Variants in SHISA9 observed in about 807,000 individuals in gnomAD.
SHISA9 encodes protein shisa-9.
A neutral mutation model predicts 38.0 loss-of-function variants in SHISA9; 13 were observed. The observed-to-expected ratio is 0.34, with a 90% CI of 0.22 to 0.54. SHISA9 has a LOEUF of 0.54. SHISA9 is among the 20% of genes least tolerant of loss of function. The pLI is 0.91. For synonymous variants in SHISA9, 275 were observed against 242.0 expected, an observed-to-expected ratio of 1.14 and a Z score of -1.27; for missense variants, 538 against 575.8, an observed-to-expected ratio of 0.93 and a Z score of 0.67.
rs190528881 is a variant in SHISA9, at chr16:13,012,948, T to C, written c.691+96133T>C. 1.7e-3 allele frequency among the ~76,000 whole-genome samples: 261 copies of C among 152,288 alleles called. 2 individuals are homozygous for C. The highest frequency in any genetic ancestry group is 5.9e-3 in the African/African-American group (246 of 41,574). On this transcript the variant is annotated intron_variant, in intron 2 of 4. Transcript: ENST00000558583. Reference sequence around the variant, plus strand: ...ATGGTACCCAGGCAGGGGGACAATCTAATTAGGCTATTTTCGGCATCCCGG... The same window carrying C: ...ATGGTACCCAGGCAGGGGGACAATCCAATTAGGCTATTTTCGGCATCCCGG...
chr16:12,909,255 T>C, intron 1 of SHISA9: 2 of 984,402 alleles, frequency 2.0e-6, no homozygotes, highest in Non-Finnish European at 2.4e-6. Context: ...ATGCACACAT[T>C]GTAAGTGTGT....
the SHISA9 span, among the ~76,000 whole-genome samples, chr16:13,264,967 G>A: frequency 8.0e-6 from 1 of 125,472 alleles, no homozygotes; most frequent in South Asian, 2.5e-4. Context: ...CCCTTCCCCT[G>A]TTTTTCCCCT....
At chr16:13,213,200 C>T in intron 3 of SHISA9, 53 bp from the exon 4 acceptor site, 1 of 1,510,522 alleles carries the variant, frequency 6.6e-7, no homozygotes, top group Non-Finnish European at 9.0e-7. Context: ...GCATAGTGAA[C>T]ATGGGTGCCC....
intron 1 of SHISA9, among the ~76,000 whole-genome samples, chr16:12,905,069 C>T (rs980689030): frequency 1.2e-4 from 19 of 152,152 alleles, no homozygotes; most frequent in African/African-American, 4.3e-4. Context: ...CAGCCAATCG[C>T]TGTTAAGGAA....
intron 2 of SHISA9, among the ~76,000 whole-genome samples, chr16:13,177,751 C>G (rs983108851): frequency 6.6e-6 from 1 of 152,132 alleles, no homozygotes; most frequent in Admixed American, 6.5e-5. Context: ...CTCACTGCAA[C>G]CTCTGCCTCC....
At chr16:13,204,861 C>A (rs1262430078) in intron 3 of SHISA9, 2 of 152,192 alleles carry the variant, frequency 1.3e-5, no homozygotes, top group South Asian at 4.1e-4. Context: ...TTTTATCCCT[C>A]CAGAGCCACT....
At chr16:12,906,594 A>G (rs757267152) in intron 1 of SHISA9, among the ~76,000 whole-genome samples, 2 of 152,198 alleles carry the variant, frequency 1.3e-5, no homozygotes, top group African/African-American at 2.4e-5. Flanking sequence ...ATACCAAACC[A>G]TGTAGTCATG....
chr16:13,037,446 C>G (rs1175640994), intron 2 of SHISA9, among the ~76,000 whole-genome samples: 1 of 151,662 alleles, frequency 6.6e-6, no homozygotes, highest in Admixed American at 6.6e-5. Context: ...CAGCATCTAA[C>G]CAAGGTTGGG....
At chr16:13,552,242 T>C in the SHISA9 span, among the ~76,000 whole-genome samples, 2 of 152,174 alleles carry the variant, frequency 1.3e-5, no homozygotes, top group African/African-American at 4.8e-5. Flanking sequence ...GGATCTGCTC[T>C]CCTGAAATTC....
the SHISA9 span, among the ~76,000 whole-genome samples, chr16:13,406,283 C>T: frequency 6.6e-6 from 1 of 152,218 alleles, no homozygotes; most frequent in Non-Finnish European, 1.5e-5. Flanking sequence ...AGATAGCTCA[C>T]ACTCTGTCTC....
At chr16:13,542,378 C>G in the SHISA9 span, among the ~76,000 whole-genome samples, 4 of 152,212 alleles carry the variant, frequency 2.6e-5, no homozygotes, top group Non-Finnish European at 2.9e-5. Flanking sequence ...CTTTCACAAC[C>G]ATCCTAACAT....
At chr16:12,982,318 T>A (rs892369890) in intron 2 of SHISA9, among the ~76,000 whole-genome samples, 2 of 152,252 alleles carry the variant, frequency 1.3e-5, no homozygotes, top group Non-Finnish European at 2.9e-5. Context: ...ACTAGCCATA[T>A]GCCAAGTGCA....
the SHISA9 span, among the ~76,000 whole-genome samples, chr16:13,471,203 C>T: frequency 6.6e-6 from 1 of 151,920 alleles, no homozygotes; most frequent in Non-Finnish European, 1.5e-5. Context: ...CACAACACAC[C>T]CTTAATATGG....
At chr16:13,191,098 C>G (rs1250801690) in intron 2 of SHISA9, among the ~76,000 whole-genome samples, 1 of 152,240 alleles carries the variant, frequency 6.6e-6, no homozygotes, top group East Asian at 1.9e-4. Context: ...AGAAAAAAAC[C>G]TACATGGTAT....
chr16:13,304,279 A>G, the SHISA9 span, among the ~76,000 whole-genome samples: 188 of 152,316 alleles, frequency 1.2e-3, no homozygotes, highest in African/African-American at 3.9e-3. Context: ...TTATTTTTGC[A>G]AAAGGGTCTC....
the SHISA9 span, among the ~76,000 whole-genome samples, chr16:13,305,081 G>A: frequency 3.9e-5 from 6 of 152,082 alleles, no homozygotes; most frequent in Admixed American, 2.0e-4. Flanking sequence ...TAGAATATTT[G>A]CATATACATA....
At chr16:13,037,056 G>A (rs1023144146) in intron 2 of SHISA9, among the ~76,000 whole-genome samples, 8 of 93,830 alleles carry the variant, frequency 8.5e-5, no homozygotes, top group African/African-American at 3.6e-4. Context: ...AGCAGGGAAT[G>A]ATCACACACA....
At chr16:13,151,755 T>C (rs2050501580) in intron 2 of SHISA9, among the ~76,000 whole-genome samples, 1 of 152,236 alleles carries the variant, frequency 6.6e-6, no homozygotes, top group Admixed American at 6.5e-5. Flanking sequence ...TGCACGTCAG[T>C]ACATGCCCAC....
intron 2 of SHISA9, among the ~76,000 whole-genome samples, chr16:13,051,718 A>G (rs893882635): frequency 6.6e-6 from 1 of 152,118 alleles, no homozygotes; most frequent in South Asian, 2.1e-4. Context: ...TCAGAGCCCA[A>G]TTTGCTTTCA....
Sources: allele counts gnomAD v4.1 joint callset (sites outside exome capture counted in the v4.1 genomes callset), GRCh38; gene constraint gnomAD v4.1.1; transcripts MANE v1.5; gene names NCBI Gene and HGNC (gene_info 2026-07-23, HGNC 2026-07-21).